The following RGS7 variants were observed in gnomAD, a reference collection of about 807,000 sequenced individuals.
The protein encoded by RGS7 is regulator of G-protein signaling 7.
A neutral mutation model predicts 81.1 loss-of-function variants in RGS7; 27 were observed. That is an observed-to-expected ratio of 0.33 (90% confidence interval 0.25 to 0.46). RGS7 has a LOEUF of 0.46. RGS7 is among the 20% of genes least tolerant of loss of function. RGS7 has a pLI of 1.00. For missense variants in RGS7, 396 were observed against 607.4 expected (o/e 0.65, Z 3.66); for synonymous variants, 208 against 207.7 (o/e 1.00, Z -0.01).
intron 18 of RGS7, among the ~76,000 whole-genome samples, chr1:240,797,432 A>G (rs1231157081): frequency 6.6e-6 from 1 of 152,190 alleles, no homozygotes; most frequent in Non-Finnish European, 1.5e-5. Context: ...GCTCACTGCA[A>G]CATCTGCCTC....
chr1:241,159,485 T>C (rs1032524933), intron 2 of RGS7, among the ~76,000 whole-genome samples: 1 of 151,916 alleles, frequency 6.6e-6, no homozygotes, highest in Non-Finnish European at 1.5e-5. Flanking sequence ...ATATAGCCCT[T>C]CCTTCCTTCC....
intron 6 of RGS7, among the ~76,000 whole-genome samples, chr1:240,885,503 A>T (rs1667199256): frequency 6.6e-6 from 1 of 152,180 alleles, no homozygotes; most frequent in Non-Finnish European, 1.5e-5. Context: ...GCCTAAATAC[A>T]CATCAAGGAC....
rs2081559416 is a variant in RGS7, at chr1:241,327,036, A to AGGGAGTG, written c.78+28662_78+28663insCACTCCC. ...GAAGGAAGGAAGGAAGGAAGGAAGG[A>AGGGAGTG]AGGGAGGGAGGGGAAAGGAAGGAAG... On this transcript the variant is annotated intron_variant, in intron 2 of 18. Coordinates refer to ENST00000440928, the MANE Select transcript of RGS7 (RefSeq NM_001364886.1). 3.2e-4 allele frequency among the ~76,000 whole-genome samples: 2 copies of AGGGAGTG among 6,216 alleles called. 1 individual carries two copies. Among genetic ancestry groups the AGGGAGTG allele is most frequent in the Admixed American group, 3.5e-3 (2 of 564 alleles). The allele number at this position is 6,216 out of a possible 152,430, so 4.1% of individuals were successfully genotyped here.
At chr1:241,301,216 A>C (rs537355621) in intron 2 of RGS7, among the ~76,000 whole-genome samples, 2 of 152,386 alleles carry the variant, frequency 1.3e-5, no homozygotes, top group South Asian at 4.1e-4. Context: ...GGTCACTGAA[A>C]TAGCTCATAG....
At chr1:240,980,603 T>C (rs970317084) in intron 4 of RGS7, among the ~76,000 whole-genome samples, 1 of 152,198 alleles carries the variant, frequency 6.6e-6, no homozygotes, top group African/African-American at 2.4e-5. Flanking sequence ...ATTGGTTTCA[T>C]ATAGGCAGCC....
At chr1:241,099,395 TGCACACAAGTAC>T (rs1319513554) in intron 2 of RGS7, among the ~76,000 whole-genome samples, 1 of 151,882 alleles carries the variant, frequency 6.6e-6, no homozygotes, top group Non-Finnish European at 1.5e-5. Context: ...CACACATATA[TGCACACAAGTAC>T]ACATACACGT....
chr1:241,046,272 C>T (rs2060919760), intron 3 of RGS7, among the ~76,000 whole-genome samples: 1 of 150,018 alleles, frequency 6.7e-6, no homozygotes, highest in Admixed American at 6.7e-5. Context: ...GGAGTAAACA[C>T]AATACCTAAT....
intron 3 of RGS7, among the ~76,000 whole-genome samples, chr1:241,033,974 C>G (rs140085626): frequency 6.6e-6 from 1 of 152,068 alleles, no homozygotes; most frequent in Non-Finnish European, 1.5e-5. Flanking sequence ...AATGAAGATA[C>G]AGTATACAGC....
chr1:241,068,978 C>T (rs2062263441), intron 3 of RGS7, among the ~76,000 whole-genome samples: 1 of 152,088 alleles, frequency 6.6e-6, no homozygotes, highest in Non-Finnish European at 1.5e-5. Context: ...TCCTCTTGCT[C>T]CTGCTTTTCA....
At chr1:241,121,335 A>C (rs1049812848) in intron 2 of RGS7, among the ~76,000 whole-genome samples, 7 of 152,206 alleles carry the variant, frequency 4.6e-5, no homozygotes, top group Middle Eastern at 3.2e-3. Flanking sequence ...GGAGAATTTC[A>C]AGGGCTAAGG....
chr1:241,220,950 CAAGGAAGG>C (rs751386119), intron 2 of RGS7, among the ~76,000 whole-genome samples: 645 of 54,262 alleles, frequency 0.012, 8 homozygotes, highest in South Asian at 0.026. Flanking sequence ...AAGGAAGAAG[CAAGGAAGG>C]AAGGAAGGAA....
At position 240,890,802 on chromosome 1, in the gene RGS7, AT is replaced by A. The variant is rs201662299; in HGVS notation, c.386-20684del. On this transcript the variant is annotated intron_variant, in intron 6 of 18. Coordinates refer to ENST00000440928, the MANE Select transcript of RGS7 (RefSeq NM_001364886.1). ...ACAGCTAATAAATGGCTGCATTGGA[AT>A]TTGAACCCAGTTGTCTGGGAAGAGC... 6.7e-3 allele frequency among the ~76,000 whole-genome samples: 1,014 copies of A among 152,324 alleles called. 5 individuals carry two copies. The highest frequency in any genetic ancestry group is 0.024 in the African/African-American group (981 of 41,582).
At chr1:241,092,017 C>A (rs1397548266) in intron 3 of RGS7, among the ~76,000 whole-genome samples, 1 of 152,028 alleles carries the variant, frequency 6.6e-6, no homozygotes, top group Non-Finnish European at 1.5e-5. Flanking sequence ...GGGTTTAAAG[C>A]CTATTTATTA....
At position 241,159,290 on chromosome 1, in the gene RGS7, A is replaced by G. The variant is rs566314276; in HGVS notation, c.79-60528T>C. Reference sequence around the variant, plus strand: ...TACACACCCAATTTCACTGTATCTCACCCACCTGTCTTCCTACACACTAAA... The same window carrying G: ...TACACACCCAATTTCACTGTATCTCGCCCACCTGTCTTCCTACACACTAAA... On this transcript the variant is annotated intron_variant, in intron 2 of 18. Transcript: ENST00000440928. Among the ~76,000 whole-genome samples the G allele has an allele frequency of 6.2e-4, 94 of 152,136 alleles. No homozygotes were observed. The Middle Eastern group carries it at 0.01, about 17-fold the overall frequency.
chr1:240,853,465 G>T (rs1264897501), intron 9 of RGS7, among the ~76,000 whole-genome samples: 4 of 152,130 alleles, frequency 2.6e-5, no homozygotes, highest in Non-Finnish European at 4.4e-5. Context: ...AGATAATGAA[G>T]CCAATGATGG....
In RGS7 at chr1:241,354,862, G is replaced by A. The variant is rs541748830; in HGVS notation, c.78+837C>T. On this transcript the variant is annotated intron_variant, in intron 2 of 18. Coordinates refer to ENST00000440928, the MANE Select transcript of RGS7 (RefSeq NM_001364886.1). ...ATACTCAAAAAATCATCTATAAAATGCAATAAAAATGATTGGGGCAGAAGA... is the reference window on the plus strand; with the variant it reads ...ATACTCAAAAAATCATCTATAAAATACAATAAAAATGATTGGGGCAGAAGA... Among the ~76,000 whole-genome samples the A allele has an allele frequency of 7.9e-4, 121 of 152,252 alleles. 3 individuals are homozygous for A. The South Asian group carries it at 0.024, about 30-fold the overall frequency.
chr1:241,317,099 T>C (rs1225737208), intron 2 of RGS7, among the ~76,000 whole-genome samples: 2 of 152,312 alleles, frequency 1.3e-5, no homozygotes, highest in South Asian at 2.1e-4. Context: ...ACAAAAGTAT[T>C]TGCACGTTTG....
intron 6 of RGS7, among the ~76,000 whole-genome samples, chr1:240,926,088 T>C (rs541341216): frequency 1.3e-5 from 2 of 152,330 alleles, no homozygotes; most frequent in African/African-American, 2.4e-5. Flanking sequence ...GTTAATTCTG[T>C]TGATAGTTTC....
chr1:240,847,843 T>A (rs1250357535), intron 9 of RGS7, among the ~76,000 whole-genome samples: 1 of 152,120 alleles, frequency 6.6e-6, no homozygotes, highest in Non-Finnish European at 1.5e-5. Flanking sequence ...CAAAATCCAA[T>A]ATCACATTAA....
Sources: allele counts gnomAD v4.1 joint callset (sites outside exome capture counted in the v4.1 genomes callset), GRCh38; gene constraint gnomAD v4.1.1; transcripts MANE v1.5; gene names NCBI Gene and HGNC (gene_info 2026-07-23, HGNC 2026-07-21).